The following POU2F1 variants were observed in gnomAD, a reference collection of about 807,000 sequenced individuals.
POU2F1 encodes the protein POU domain, class 2, transcription factor 1.
In POU2F1, 16 loss-of-function variants were observed where a neutral mutation model predicts 84.9. The ratio of observed to expected loss-of-function variants is 0.19; its 90% CI spans 0.13 to 0.29. The LOEUF (loss-of-function observed/expected upper bound fraction) is 0.29. Among genes scored for constraint, POU2F1 ranks in the 10% least tolerant of loss-of-function variants. POU2F1 has a pLI of 1.00. For synonymous variants in POU2F1, 368 were observed against 368.3 expected (o/e 1.00, Z 0.01); for missense variants, 738 against 942.6 (o/e 0.78, Z 2.84).
chr1:167,232,276 T>C (rs1458609109), intron 1 of POU2F1, among the ~76,000 whole-genome samples: 1 of 152,208 alleles, frequency 6.6e-6, no homozygotes, highest in Non-Finnish European at 1.5e-5. Context: ...TGGACCAGTA[T>C]ACAATGGCAG....
At chr1:167,345,156 C>T (rs754173445) in intron 2 of POU2F1, among the ~76,000 whole-genome samples, 4 of 152,050 alleles carry the variant, frequency 2.6e-5, no homozygotes, top group African/African-American at 7.2e-5. Context: ...TCTATGTATC[C>T]CGGAACTTAA....
intron 1 of POU2F1, among the ~76,000 whole-genome samples, chr1:167,268,618 TAC>T (rs1652152374): frequency 6.6e-6 from 1 of 152,350 alleles, no homozygotes; most frequent in Admixed American, 6.5e-5. Context: ...AGATCCTCAT[TAC>T]CTCACGTTTT....
At chr1:167,260,362 A>G (rs1238053825) in intron 1 of POU2F1, among the ~76,000 whole-genome samples, 1 of 152,182 alleles carries the variant, frequency 6.6e-6, no homozygotes, top group Admixed American at 6.5e-5. Flanking sequence ...AATGAAAACA[A>G]GTTTTTAATT....
At chr1:167,361,981 T>A (rs2101820204) in intron 2 of POU2F1, among the ~76,000 whole-genome samples, 1 of 152,206 alleles carries the variant, frequency 6.6e-6, no homozygotes, top group South Asian at 2.1e-4. Context: ...TGTCTCCTAA[T>A]GTAGGGTGCT....
intron 7 of POU2F1, among the ~76,000 whole-genome samples, chr1:167,381,169 G>A (rs554554869): frequency 1.3e-5 from 2 of 152,018 alleles, no homozygotes; most frequent in Admixed American, 6.6e-5. Flanking sequence ...TGCAACCTCC[G>A]TCTCCCAGGT....
At chr1:167,280,519 C>T (rs1267929891) in intron 1 of POU2F1, among the ~76,000 whole-genome samples, 1 of 152,114 alleles carries the variant, frequency 6.6e-6, no homozygotes, top group African/African-American at 2.4e-5. Context: ...CCAGAATTAC[C>T]TAAAGGTATG....
intron 6 of POU2F1, among the ~76,000 whole-genome samples, chr1:167,374,986 G>C (rs991674302): frequency 6.6e-6 from 1 of 151,430 alleles, no homozygotes; most frequent in South Asian, 2.1e-4. Context: ...AGAATAGCGT[G>C]AACCCAGGAG....
intron 3 of POU2F1, among the ~76,000 whole-genome samples, chr1:167,369,701 T>C (rs1659886485): frequency 6.6e-6 from 1 of 152,232 alleles, no homozygotes; most frequent in South Asian, 2.1e-4. Flanking sequence ...TGTGTAAATA[T>C]ATTTCTACTC....
At chr1:167,322,219 C>G (rs1215688822) in intron 1 of POU2F1, among the ~76,000 whole-genome samples, 1 of 152,170 alleles carries the variant, frequency 6.6e-6, no homozygotes, top group Non-Finnish European at 1.5e-5. Flanking sequence ...GCTTCCAAAT[C>G]CTCCTGTTCG....
intron 1 of POU2F1, among the ~76,000 whole-genome samples, chr1:167,312,620 T>C (rs935492683): frequency 2.0e-5 from 3 of 152,144 alleles, no homozygotes; most frequent in African/African-American, 7.2e-5. Context: ...AAGAAAAATA[T>C]ATTTTTATAA....
intron 13 of POU2F1, among the ~76,000 whole-genome samples, chr1:167,404,985 GA>G (rs1649471152): frequency 6.6e-6 from 1 of 152,136 alleles, no homozygotes; most frequent in African/African-American, 2.4e-5. Flanking sequence ...TATCTTCTAA[GA>G]AAAATCATGT....
rs190008139 is a variant in POU2F1, at chr1:167,392,488, T to C, written c.987+2727T>C. On this transcript the variant is annotated intron_variant, in intron 9 of 15. Transcript: ENST00000367866. ...GTTTTAAACTATTAGCACAGCATAC[T>C]CTGGGGTTCCCTGAGAGATTGTTGC... is the stretch of plus-strand genomic sequence containing the variant. Among the ~76,000 whole-genome samples the C allele has an allele frequency of 1.1e-3, 172 of 152,306 alleles. 3 individuals are homozygous for C. Among genetic ancestry groups the C allele is most frequent in the Non-Finnish European group, 2.1e-4 (14 of 68,020 alleles).
intron 2 of POU2F1, among the ~76,000 whole-genome samples, chr1:167,333,855 C>T (rs1371514357): frequency 6.6e-6 from 1 of 152,176 alleles, no homozygotes; most frequent in African/African-American, 2.4e-5. Context: ...GGTTCCTATG[C>T]CAGTGCCGGT....
chr1:167,295,184 A>G (rs924553248), intron 1 of POU2F1, among the ~76,000 whole-genome samples: 3 of 152,046 alleles, frequency 2.0e-5, no homozygotes, highest in African/African-American at 4.8e-5. Flanking sequence ...CAGGGTATCT[A>G]CCCAGAGGAA....
chr1:167,264,985 G>C (rs1651841361), intron 1 of POU2F1, among the ~76,000 whole-genome samples: 1 of 151,834 alleles, frequency 6.6e-6, no homozygotes, highest in Non-Finnish European at 1.5e-5. Context: ...CCTCCTTCAG[G>C]TCTTTATACA....
chr1:167,359,476 A>G (rs777138352), intron 2 of POU2F1, among the ~76,000 whole-genome samples: 1 of 152,188 alleles, frequency 6.6e-6, no homozygotes, highest in Non-Finnish European at 1.5e-5. Context: ...CACTTAGGAA[A>G]ATGGCCTCCA....
intron 15 of POU2F1, among the ~76,000 whole-genome samples, chr1:167,415,111 T>G (rs922696736): frequency 4.6e-5 from 7 of 152,240 alleles, no homozygotes; most frequent in Admixed American, 4.6e-4. Flanking sequence ...TCAGCTAGTT[T>G]GTCCTTTGAA....
chr1:167,296,596 G>A (rs1431494469), intron 1 of POU2F1, among the ~76,000 whole-genome samples: 1 of 151,902 alleles, frequency 6.6e-6, no homozygotes, highest in Non-Finnish European at 1.5e-5. Context: ...AAATATATTA[G>A]GAAAGTAAAG....
intron 8 of POU2F1, among the ~76,000 whole-genome samples, 156 bp downstream of exon 8, chr1:167,384,107 A>C (rs1647781062): frequency 6.6e-6 from 1 of 152,216 alleles, no homozygotes; most frequent in Non-Finnish European, 1.5e-5. Context: ...CAATGCTACC[A>C]AATCAATATA....
Sources: gnomAD v4.1 joint callset for allele counts (sites outside exome capture counted in the v4.1 genomes callset) on GRCh38, gnomAD v4.1.1 for gene constraint, MANE v1.5 for transcripts, NCBI Gene and HGNC (gene_info 2026-07-23, HGNC 2026-07-21) for gene names.